ABCA9: variants seen among roughly 807,000 people sequenced by gnomAD.
ABCA9 encodes the protein ATP-binding cassette sub-family A member 9.
A neutral mutation model predicts 205.3 loss-of-function variants in ABCA9; 183 were observed. The ratio of observed to expected loss-of-function variants is 0.89; its 90% CI spans 0.79 to 1.01. The LOEUF (loss-of-function observed/expected upper bound fraction) is 1.01, where lower values mean the gene tolerates loss of function less well. ABCA9 is among the 50% of genes least tolerant of loss of function. The pLI is 0.00. For missense variants in ABCA9, 1,805 were observed against 1,912.4 expected (o/e 0.94, Z 1.05); for synonymous variants, 651 against 683.3 (o/e 0.95, Z 0.74).
chr17:68,989,256 T>TCTCACACACACA lies in ABCA9; in HGVS notation c.3956-139_3956-138insTGTGTGTGTGAG, dbSNP rs138281321. 1.4e-3 allele frequency: 351 copies of TCTCACACACACA among 243,084 alleles called. 3 individuals are homozygous for TCTCACACACACA. Among genetic ancestry groups the TCTCACACACACA allele is most frequent in the African/African-American group, 5.9e-3 (250 of 42,578 alleles). 15.1% of individuals were successfully genotyped at this position (243,084 alleles called of 1,614,324 possible). A position where few individuals can be genotyped will look rare whatever the true frequency, so the allele number is the denominator to read the frequency against. On this transcript the variant is annotated intron_variant, in intron 30 of 38. Transcript: ENST00000340001. ...TTTCCCTTATTCCTCTCTCTCTCTC[T>TCTCACACACACA]CACACACACACACACACACACACAC...
At chr17:69,010,810 G>C (rs1489700197) in intron 23 of ABCA9, among the ~76,000 whole-genome samples, 1 of 152,128 alleles carries the variant, frequency 6.6e-6, no homozygotes, top group Admixed American at 6.6e-5. Context: ...GAGATAAAGA[G>C]ACAACGATAA....
intron 5 of ABCA9, 56 bp from the exon 6 acceptor site, chr17:69,043,771 G>A: frequency 2.9e-6 from 4 of 1,380,322 alleles, no homozygotes; most frequent in Non-Finnish European, 3.0e-6. Context: ...CCAACCTTAG[G>A]CTTTTTCTCT....
At chr17:69,040,851 C>T (rs1209812319) in intron 6 of ABCA9, among the ~76,000 whole-genome samples, 1 of 152,056 alleles carries the variant, frequency 6.6e-6, no homozygotes, top group Non-Finnish European at 1.5e-5. Flanking sequence ...TAGATACAGA[C>T]ATATAGACGA....
At chr17:69,024,116 C>A in intron 17 of ABCA9, 98 bp downstream of exon 17, 1 of 1,310,154 alleles carries the variant, frequency 7.6e-7, no homozygotes, top group South Asian at 1.3e-5. Flanking sequence ...TTGTGCCATT[C>A]ATCTAGCAAG....
At chr17:69,038,343 G>C (rs1236540685) in intron 6 of ABCA9, among the ~76,000 whole-genome samples, 1 of 152,142 alleles carries the variant, frequency 6.6e-6, no homozygotes, top group Non-Finnish European at 1.5e-5. Context: ...ACGGAATCCA[G>C]CAGCACATCA....
chr17:69,026,387 A>G lies in ABCA9; in HGVS notation c.2131T>C (p.Tyr711His). ...LFLKKKWGIG[Y>H]HLSLHLNERC... ...CATTCAGGGCTGTACCTTAAATGGT[A>G]GCCTATGCCCCATTTCTTCTTAAGG... The change falls in exon 16 of 39, where the codon TAC becomes CAC. Residue 711 changes from tyrosine (Y) to histidine (H), a missense_variant. By Grantham distance (83) the Tyr-to-His change is moderately conservative (BLOSUM62 2). Coordinates refer to ENST00000340001, the MANE Select transcript of ABCA9 (RefSeq NM_080283.4). The G allele has an allele frequency of 6.2e-7, 1 of 1,613,102 alleles. No individual in the cohort carries two copies. Among genetic ancestry groups the G allele is most frequent in the Non-Finnish European group, 8.5e-7 (1 of 1,179,176 alleles).
intron 21 of ABCA9, 57 bp from the exon 22 acceptor site, chr17:69,016,447 G>A (rs2070617749): frequency 2.1e-6 from 3 of 1,449,930 alleles, no homozygotes; most frequent in Admixed American, 5.0e-5. Context: ...AAAATTTAAT[G>A]AGTGAACATG....
intron 25 of ABCA9, among the ~76,000 whole-genome samples, chr17:69,001,375 C>T (rs1598352925): frequency 6.6e-6 from 1 of 151,672 alleles, no homozygotes; most frequent in East Asian, 1.9e-4. Flanking sequence ...TTGAGATAAT[C>T]ATGTGGTTTT....
At chr17:69,011,896 G>T in intron 23 of ABCA9, 80 bp downstream of exon 23, 1 of 829,880 alleles carries the variant, frequency 1.2e-6, no homozygotes, top group Non-Finnish European at 1.8e-6. Context: ...TTTACCACTT[G>T]CATGTAAATT....
intron 32 of ABCA9, among the ~76,000 whole-genome samples, chr17:68,985,871 C>T (rs550216225): frequency 7.9e-5 from 12 of 151,966 alleles, no homozygotes; most frequent in Non-Finnish European, 1.6e-4. Context: ...GCACAAGAAT[C>T]GCTTGAACCC....
Position 69,029,133 on chromosome 17 carries a change from C to T in ABCA9, c.1504+36G>A, listed in dbSNP as rs1212060935. 3.7e-6 allele frequency: 5 copies of T among 1,333,766 alleles called. No individual in the cohort carries two copies. The East Asian group carries it at 7.4e-5, about 20-fold the overall frequency. The allele number at this position is 1,333,766 out of a possible 1,614,324, so 82.6% of individuals were successfully genotyped here. A position where few individuals can be genotyped will look rare whatever the true frequency, so the allele number is the denominator to read the frequency against. ...TACAACAGTAAGGCAGCCACTAAAT[C>T]AAGCAGCCCCATTAAATAAAATATT... is the stretch of plus-strand genomic sequence containing the variant. On this transcript the variant is annotated intron_variant, in intron 11 of 38. Coordinates refer to ENST00000340001, the MANE Select transcript of ABCA9 (RefSeq NM_080283.4).
At chr17:69,043,857 G>A in intron 5 of ABCA9, 142 bp from the exon 6 acceptor site, 1 of 729,438 alleles carries the variant, frequency 1.4e-6, no homozygotes, top group East Asian at 2.8e-5. Context: ...GGCCCCTTGT[G>A]GTTCCTGGAA....
upstream of ABCA9, among the ~76,000 whole-genome samples, chr17:69,062,492 A>G (rs1052898739): frequency 6.6e-6 from 1 of 151,882 alleles, no homozygotes; most frequent in Admixed American, 6.6e-5. Context: ...TCTAGATTAA[A>G]CAATATTTAA....
chr17:69,021,680 C>CCTTG, intron 18 of ABCA9, 62 bp downstream of exon 18: 3 of 869,728 alleles, frequency 3.4e-6, no homozygotes, highest in African/African-American at 5.3e-5. Context: ...TTTCTTTCGT[C>CCTTG]CTTCCTTCCT....
At chr17:68,997,581 G>A (rs532109995) in intron 25 of ABCA9, among the ~76,000 whole-genome samples, 2 of 138,900 alleles carry the variant, frequency 1.4e-5, no homozygotes, top group South Asian at 2.2e-4. Flanking sequence ...ATTTGTTCCT[G>A]GGTATTTTTT....
At chr17:68,982,502 CTA>C in intron 37 of ABCA9, 58 bp downstream of exon 37, 1 of 1,267,814 alleles carries the variant, frequency 7.9e-7, no homozygotes, top group Non-Finnish European at 1.2e-6. Context: ...AATACTGGTT[CTA>C]TGTCAGATTT....
At chr17:69,076,281 T>C in the ABCA9 span, among the ~76,000 whole-genome samples, 1 of 152,134 alleles carries the variant, frequency 6.6e-6, no homozygotes, top group Non-Finnish European at 1.5e-5. Context: ...TATACTCATA[T>C]GGTTTTATTT....
At position 69,060,869 on chromosome 17, in the gene ABCA9, C is replaced by T; in HGVS notation, c.-17G>A. 1 of 985,412 alleles carries T rather than the reference C, an allele frequency of 1.0e-6. No homozygotes were observed. The highest frequency in any genetic ancestry group is 1.2e-6 in the Non-Finnish European group (1 of 829,924). The allele number at this position is 985,412 out of a possible 1,614,324, so 61.0% of individuals were successfully genotyped here. ...ACAATTTTAGAGGTTAACTTACTCT[C>T]AGGAAAGCTGGAGGAAAAATCTAGA... On this transcript the variant is annotated 5_prime_UTR_variant, in exon 1 of 39. It removes the in-frame stop codon of an upstream open reading frame in the 5' UTR. Transcript: ENST00000340001.
intron 18 of ABCA9, chr17:69,020,789 G>T (rs904043086): frequency 2.0e-6 from 1 of 493,616 alleles, no homozygotes; most frequent in Non-Finnish European, 3.5e-6. Context: ...AGAAAATCTT[G>T]TGTTTTCTGA....
Sources: allele counts gnomAD v4.1 joint callset (sites outside exome capture counted in the v4.1 genomes callset), GRCh38; gene constraint gnomAD v4.1.1; transcripts MANE v1.5; gene names NCBI Gene and HGNC (gene_info 2026-07-23, HGNC 2026-07-21).